TULP4: variants seen among roughly 807,000 people sequenced by gnomAD.
TULP4 encodes the protein TUB like protein 4, also known as tubby-related protein 4.
A neutral mutation model predicts 129.0 loss-of-function variants in TULP4; 16 were observed. The observed-to-expected ratio is 0.12, with a 90% CI of 0.08 to 0.19. The LOEUF is 0.19. TULP4 is among the 10% of genes least tolerant of loss of function. The pLI is 1.00. For missense variants in TULP4, 1,842 were observed against 2,059.1 expected (o/e 0.89, Z 2.04); for synonymous variants, 998 against 854.0 (o/e 1.17, Z -2.94).
At position 158,449,118 on chromosome 6, in the gene TULP4, C is replaced by T; in HGVS notation, c.666C>T (p.Phe222=). ...GCATGTCCTGGAACTACCCGATCTT[C>T]CTGGTGGAGGACAGCAGCGAGAGCG... is the stretch of plus-strand genomic sequence containing the variant. ...VLGMSWNYPI[F]LVEDSSESDT... The change falls in exon 4 of 14, where the codon TTC becomes TTT. Residue 222 remains phenylalanine, a synonymous_variant. Transcript: ENST00000367097. 6.2e-7 allele frequency: 1 copy of T among 1,614,118 alleles called. No individual in the cohort carries two copies. Among genetic ancestry groups the T allele is most frequent in the Non-Finnish European group, 8.5e-7 (1 of 1,180,020 alleles).
rs183983893 is a variant in TULP4, at chr6:158,255,542, C to T, written n.68+23239C>T. ...TCTGGAAAACTCAGCCTTACAGCAA[C>T]AACTCTAAGAATGGTGGCCTTTTCT... On this transcript the variant is annotated intron_variant and non_coding_transcript_variant, in intron 1 of 1. Transcript: ENST00000620026. Among the ~76,000 whole-genome samples the T allele has an allele frequency of 2.0e-5, 3 of 152,296 alleles. No homozygotes were observed. The East Asian group carries it at 5.8e-4, about 29-fold the overall frequency.
Position 158,506,771 on chromosome 6 carries a change from G to A in TULP4, c.*77G>A. On this transcript the variant is annotated 3_prime_UTR_variant, in exon 14 of 14. Transcript: ENST00000367097. ...TCGGAGATGCCAGAGGAGCCCTCTA[G>A]GGGTCCGATGCCTGGGAGGACCAGA... 9.9e-7 allele frequency: 1 copy of A among 1,009,612 alleles called. No individual in the cohort carries two copies. The highest frequency in any genetic ancestry group is 1.5e-6 in the Non-Finnish European group (1 of 651,964). The allele number at this position is 1,009,612 out of a possible 1,614,324, so 62.5% of individuals were successfully genotyped here. A position where few individuals can be genotyped will look rare whatever the true frequency, so the allele number is the denominator to read the frequency against.
intron 1 of TULP4, among the ~76,000 whole-genome samples, chr6:158,269,380 TA>T (rs10583634): frequency 0.083 from 10,842 of 130,986 alleles, 472 homozygotes; most frequent in African/African-American, 0.13. Flanking sequence ...TCAGCATTTG[TA>T]AAAAAAAAAA....
chr6:158,381,380 G>A (rs182704069), intron 1 of TULP4, among the ~76,000 whole-genome samples: 327 of 152,260 alleles, frequency 2.1e-3, no homozygotes, highest in African/African-American at 7.5e-3. Context: ...GTAATCAAAC[G>A]TAATATTTCA....
chr6:158,437,235 C>A (rs986303376), intron 3 of TULP4, among the ~76,000 whole-genome samples: 4 of 152,132 alleles, frequency 2.6e-5, no homozygotes, highest in African/African-American at 9.7e-5. Context: ...TATTTTAGTA[C>A]AGAATTTTTA....
chr6:158,325,127 A>C (rs974449561), intron 1 of TULP4, among the ~76,000 whole-genome samples: 1 of 152,270 alleles, frequency 6.6e-6, no homozygotes, highest in Non-Finnish European at 1.5e-5. Context: ...AGAATTGTCA[A>C]AAAATCAAAT....
intron 1 of TULP4, among the ~76,000 whole-genome samples, chr6:158,344,706 A>G (rs2114766295): frequency 6.6e-6 from 1 of 152,270 alleles, no homozygotes; most frequent in South Asian, 2.1e-4. Context: ...GTTGCCTGAG[A>G]TGACAATATT....
intron 5 of TULP4, among the ~76,000 whole-genome samples, chr6:158,453,485 C>CAAAAAAAAAAAAAAAAAAA (rs869146924): frequency 1.1e-4 from 2 of 17,982 alleles, no homozygotes; most frequent in African/African-American, 4.2e-4. Flanking sequence ...CTCTGTCTCA[C>CAAAAAAAAAAAAAAAAAAA]AAAAAAAAAA....
intron 1 of TULP4, among the ~76,000 whole-genome samples, chr6:158,252,613 A>T (rs262816): frequency 0.064 from 9,689 of 152,108 alleles, 379 homozygotes; most frequent in East Asian, 0.094. Flanking sequence ...TGACCTCATG[A>T]TCTGCCCGCC....
chr6:158,427,524 T>C, intron 2 of TULP4, among the ~76,000 whole-genome samples: 1 of 122,784 alleles, frequency 8.1e-6, no homozygotes. Context: ...AGACGGAGTC[T>C]CGCTCTGTCG....
intron 5 of TULP4, among the ~76,000 whole-genome samples, chr6:158,457,948 T>A (rs1343471482): frequency 6.6e-6 from 1 of 152,140 alleles, no homozygotes. Context: ...ACCTGTTATT[T>A]TATCATCACA....
intron 1 of TULP4, among the ~76,000 whole-genome samples, chr6:158,411,011 A>C (rs556208248): frequency 1.5e-4 from 23 of 152,108 alleles, no homozygotes; most frequent in South Asian, 2.1e-4. Flanking sequence ...GCTGTTGTTC[A>C]AATGCCTTTG....
intron 2 of TULP4, among the ~76,000 whole-genome samples, chr6:158,422,319 A>G (rs1229869489): frequency 6.6e-6 from 1 of 152,250 alleles, no homozygotes; most frequent in African/African-American, 2.4e-5. Flanking sequence ...AAGGTAACCA[A>G]ACGTAAATTA....
At chr6:158,239,310 G>A (rs1163875839) in intron 1 of TULP4, among the ~76,000 whole-genome samples, 5 of 56,134 alleles carry the variant, frequency 8.9e-5, no homozygotes, top group Non-Finnish European at 2.0e-4. Context: ...AGGGGCGGCC[G>A]GGCAGAGGCG....
chr6:158,476,461 C>T (rs1427828813), intron 6 of TULP4, among the ~76,000 whole-genome samples: 2 of 152,154 alleles, frequency 1.3e-5, no homozygotes, highest in Non-Finnish European at 2.9e-5. Flanking sequence ...TTTAATCTTT[C>T]GCGTCTTCTC....
intron 1 of TULP4, among the ~76,000 whole-genome samples, chr6:158,291,182 C>T (rs1188107936): frequency 6.6e-6 from 1 of 152,130 alleles, no homozygotes; most frequent in African/African-American, 2.4e-5. Context: ...TTAGACCTTC[C>T]TTCTGAGACA....
intron 1 of TULP4, among the ~76,000 whole-genome samples, chr6:158,376,901 C>G (rs1777203746): frequency 6.6e-6 from 1 of 152,246 alleles, no homozygotes; most frequent in Admixed American, 6.5e-5. Context: ...GCAGCTGTCT[C>G]TGACACCTGT....
chr6:158,242,433 G>T, intron 1 of TULP4: 2 of 1,098,184 alleles, frequency 1.8e-6, no homozygotes, highest in South Asian at 1.2e-5. Context: ...ATCTCTTTAT[G>T]CCACTAAGCA....
intron 1 of TULP4, among the ~76,000 whole-genome samples, chr6:158,349,305 T>G (rs1350004136): frequency 9.8e-6 from 1 of 102,108 alleles, no homozygotes. Context: ...CGGTCAGAGG[T>G]GCTCCCTCAC....
Sources: gnomAD v4.1 joint callset for allele counts (sites outside exome capture counted in the v4.1 genomes callset) on GRCh38, gnomAD v4.1.1 for gene constraint, MANE v1.5 for transcripts, NCBI Gene and HGNC (gene_info 2026-07-23, HGNC 2026-07-21) for gene names.